The following SNTG1 variants were observed in gnomAD, a reference collection of about 807,000 sequenced individuals.
SNTG1 encodes the protein gamma-1-syntrophin.
In SNTG1, 39 loss-of-function variants were observed where a neutral mutation model predicts 74.7. The observed-to-expected ratio is 0.52, with a 90% CI of 0.40 to 0.68. The LOEUF (loss-of-function observed/expected upper bound fraction) is 0.68. Ranked by LOEUF, SNTG1 falls within the 30% of genes least tolerant of loss-of-function variation. SNTG1 has a pLI of 0.00. For missense variants in SNTG1, 685 were observed against 609.5 expected (o/e 1.12, Z -1.30); for synonymous variants, 254 against 217.1 (o/e 1.17, Z -1.49).
chr8:50,240,998 C>G (rs918224171), intron 2 of SNTG1, among the ~76,000 whole-genome samples: 1 of 151,946 alleles, frequency 6.6e-6, no homozygotes, highest in African/African-American at 2.4e-5. Context: ...TTGATAAATT[C>G]AAACAATGTC....
intron 1 of SNTG1, among the ~76,000 whole-genome samples, chr8:50,128,642 G>A (rs1243451474): frequency 6.6e-6 from 1 of 151,914 alleles, no homozygotes; most frequent in African/African-American, 2.4e-5. Flanking sequence ...CTTTTTGTTG[G>A]TTATTGTTTC....
At chr8:50,378,918 C>T (rs1341602852) in intron 2 of SNTG1, among the ~76,000 whole-genome samples, 2 of 152,126 alleles carry the variant, frequency 1.3e-5, no homozygotes, top group African/African-American at 4.8e-5. Flanking sequence ...CACAAGCTCC[C>T]ACTCTGGTCA....
At chr8:50,785,025 C>T (rs1383249315) in intron 18 of SNTG1, among the ~76,000 whole-genome samples, 2 of 151,926 alleles carry the variant, frequency 1.3e-5, no homozygotes, top group Non-Finnish European at 2.9e-5. Context: ...TCTCATCATG[C>T]TAAAACATAT....
intron 12 of SNTG1, among the ~76,000 whole-genome samples, chr8:50,556,012 A>G (rs1340771410): frequency 6.6e-6 from 1 of 152,082 alleles, no homozygotes; most frequent in Non-Finnish European, 1.5e-5. Context: ...TGAGACAGGG[A>G]TTTTCATACC....
At chr8:50,394,293 A>G (rs2092700539) in intron 3 of SNTG1, 28 bp downstream of exon 3, 1 of 1,606,088 alleles carries the variant, frequency 6.2e-7, no homozygotes, top group African/African-American at 1.3e-5. Flanking sequence ...TGCTTTTCAA[A>G]CAGGGAAAAC....
chr8:50,517,616 C>CAAAAAAAAAAAAAAAAAAAAAAAAAAAAA (rs1161724778), intron 9 of SNTG1, among the ~76,000 whole-genome samples: 1 of 62,354 alleles, frequency 1.6e-5, no homozygotes. Context: ...AAATGGAAAG[C>CAAAAAAAAAAAAAAAAAAAAAAAAAAAAA]AAAAAAAAAA....
At chr8:50,074,793 TGG>T (rs1821685183) in intron 1 of SNTG1, among the ~76,000 whole-genome samples, 1 of 152,148 alleles carries the variant, frequency 6.6e-6, no homozygotes, top group Admixed American at 6.5e-5. Flanking sequence ...TGCTGCACTG[TGG>T]GAGCCACTCT....
chr8:50,535,589 A>G (rs1281084977), intron 10 of SNTG1, among the ~76,000 whole-genome samples: 1 of 152,220 alleles, frequency 6.6e-6, no homozygotes, highest in African/African-American at 2.4e-5. Context: ...GATCTTAGCC[A>G]GTCCACACTT....
intron 2 of SNTG1, among the ~76,000 whole-genome samples, chr8:50,253,660 TACACACATATATGTATAC>T (rs1227729684): frequency 7.2e-5 from 9 of 124,722 alleles, no homozygotes; most frequent in Non-Finnish European, 1.1e-4. Flanking sequence ...TATATATGTA[TACACACATATATGTATAC>T]ACACACACAT....
chr8:50,117,446 A>G (rs895019043), intron 1 of SNTG1, among the ~76,000 whole-genome samples: 21 of 152,266 alleles, frequency 1.4e-4, no homozygotes, highest in Admixed American at 3.9e-4. Context: ...TCAGTATACA[A>G]TATGTTTTTC....
chr8:50,752,111 G>A lies in SNTG1; in HGVS notation c.1395G>A (p.Lys465=). ...CAGATACTAAACAGATTGAAGCAAA[G>A]GTAAACCCAAGAAATTCATCACATA... The part of the protein sequence containing the change: ...QNPDTKQIEA[K]ELEFSNLFAV... The change falls in exon 18 of 19, where the codon AAG becomes AAA. Residue 465 remains lysine, a splice_region_variant and synonymous_variant. Transcript: ENST00000642720. 1.3e-6 allele frequency: 2 copies of A among 1,511,918 alleles called. No individual in the cohort carries two copies. The highest frequency in any genetic ancestry group is 8.8e-7 in the Non-Finnish European group (1 of 1,131,982). 93.7% of individuals were successfully genotyped at this position (1,511,918 alleles called of 1,614,324 possible). A position where few individuals can be genotyped will look rare whatever the true frequency, so the allele number is the denominator to read the frequency against.
intron 17 of SNTG1, among the ~76,000 whole-genome samples, chr8:50,717,217 T>C (rs2095477208): frequency 1.3e-5 from 2 of 152,230 alleles, no homozygotes; most frequent in South Asian, 4.1e-4. Flanking sequence ...TCTCCTTAAA[T>C]CTTTACTTTT....
intron 1 of SNTG1, among the ~76,000 whole-genome samples, chr8:50,012,314 C>T (rs921400279): frequency 7.9e-5 from 12 of 152,036 alleles, no homozygotes; most frequent in East Asian, 3.9e-4. Context: ...ATGTGGATAT[C>T]GGGGCTGTTG....
intron 13 of SNTG1, among the ~76,000 whole-genome samples, chr8:50,619,787 C>T (rs1283079426): frequency 6.6e-6 from 1 of 150,830 alleles, no homozygotes; most frequent in South Asian, 2.1e-4. Flanking sequence ...GAGTCAGTTG[C>T]CTTTTACCCA....
At chr8:50,172,011 G>A (rs2082824754) in intron 1 of SNTG1, among the ~76,000 whole-genome samples, 1 of 152,048 alleles carries the variant, frequency 6.6e-6, no homozygotes, top group South Asian at 2.1e-4. Flanking sequence ...AATGACAAAG[G>A]CAGAAGCACC....
intron 4 of SNTG1, among the ~76,000 whole-genome samples, chr8:50,410,112 C>G (rs981940142): frequency 1.3e-5 from 2 of 152,158 alleles, no homozygotes; most frequent in Non-Finnish European, 2.9e-5. Context: ...GGAATTTGTA[C>G]TGGCTTTCAC....
intron 2 of SNTG1, among the ~76,000 whole-genome samples, chr8:50,362,066 C>A (rs1337099646): frequency 6.6e-6 from 1 of 152,016 alleles, no homozygotes; most frequent in Admixed American, 6.6e-5. Flanking sequence ...TCTTATTTAC[C>A]CCCAAATGTG....
At chr8:49,960,966 T>C (rs898076379) in intron 1 of SNTG1, among the ~76,000 whole-genome samples, 2 of 152,130 alleles carry the variant, frequency 1.3e-5, no homozygotes, top group Non-Finnish European at 2.9e-5. Context: ...GAGCGGAAAG[T>C]TACCTGTATA....
chr8:50,102,826 C>T (rs1192600969), intron 1 of SNTG1, among the ~76,000 whole-genome samples: 1 of 149,452 alleles, frequency 6.7e-6, no homozygotes, highest in Non-Finnish European at 1.5e-5. Context: ...AATCCTTTCC[C>T]CATTGCTTGT....
Sources: gnomAD v4.1 joint callset for allele counts (sites outside exome capture counted in the v4.1 genomes callset) on GRCh38, gnomAD v4.1.1 for gene constraint, MANE v1.5 for transcripts, NCBI Gene and HGNC (gene_info 2026-07-23, HGNC 2026-07-21) for gene names.